Variants in FSD2 observed in about 807,000 individuals in gnomAD.
FSD2 encodes fibronectin type III and SPRY domain containing 2.
In FSD2, 71 loss-of-function variants were observed where a neutral mutation model predicts 80.4. The observed-to-expected ratio is 0.88, with a 90% CI of 0.73 to 1.08. The LOEUF is 1.08. FSD2 is among the 50% of genes least tolerant of loss of function. The probability of loss-of-function intolerance (pLI) is 0.00; values close to 1 mark genes in which losing one functional copy is unlikely to be tolerated. For synonymous variants in FSD2, 361 were observed against 329.5 expected (o/e 1.10, Z -1.03); for missense variants, 923 against 913.8 (o/e 1.01, Z -0.13).
intron 6 of FSD2, among the ~76,000 whole-genome samples, chr15:82,778,056 A>G (rs2049755837): frequency 6.8e-6 from 1 of 147,058 alleles, no homozygotes; most frequent in Non-Finnish European, 1.5e-5. Context: ...AGATCATGTG[A>G]GCCCAGGAAT....
At chr15:82,798,884 T>TTTG (rs1555411293) in intron 1 of FSD2, among the ~76,000 whole-genome samples, 4 of 149,174 alleles carry the variant, frequency 2.7e-5, no homozygotes, top group Admixed American at 2.7e-4. Flanking sequence ...TTTTGTTTTT[T>TTTG]TTTTTTTTTT....
At chr15:82,778,138 A>G (rs1297922803) in intron 6 of FSD2, among the ~76,000 whole-genome samples, 2 of 135,090 alleles carry the variant, frequency 1.5e-5, no homozygotes, top group African/African-American at 3.0e-5. Context: ...ATATATATAT[A>G]TATATATATA....
At chr15:82,804,176 T>A (rs190868313) in intron 1 of FSD2, among the ~76,000 whole-genome samples, 1 of 151,956 alleles carries the variant, frequency 6.6e-6, no homozygotes, top group Non-Finnish European at 1.5e-5. Flanking sequence ...GTGGGAATAT[T>A]TGTCCCTTGA....
intron 9 of FSD2, among the ~76,000 whole-genome samples, chr15:82,767,368 TG>T (rs949288249): frequency 6.6e-6 from 1 of 152,290 alleles, no homozygotes; most frequent in African/African-American, 2.4e-5. Flanking sequence ...CAAGGCCCTG[TG>T]GCAGGAAGGA....
rs575399830 is a variant in FSD2, at chr15:82,776,017, A to G, written c.1111+2749T>C. ...AAGATACTTGAGGCCAGGCAGAGTG[A>G]CTCAGGCCTGTAATCTCAGCACTTT... On this transcript the variant is annotated intron_variant, in intron 6 of 12. Coordinates refer to ENST00000334574, the MANE Select transcript of FSD2 (RefSeq NM_001007122.4). 8.5e-5 allele frequency among the ~76,000 whole-genome samples: 13 copies of G among 152,224 alleles called. 1 individual carries two copies. In the South Asian group the frequency reaches 2.7e-3, roughly 32 times the overall value.
intron 1 of FSD2, among the ~76,000 whole-genome samples, chr15:82,791,144 G>T (rs1047914550): frequency 2.1e-5 from 3 of 145,760 alleles, no homozygotes; most frequent in Non-Finnish European, 3.0e-5. Flanking sequence ...GACTACAGGC[G>T]CCCGCCACCA....
intron 1 of FSD2, among the ~76,000 whole-genome samples, chr15:82,797,172 T>C (rs946213311): frequency 3.3e-5 from 5 of 152,214 alleles, no homozygotes; most frequent in African/African-American, 1.2e-4. Flanking sequence ...TTGCTTTCAA[T>C]AAAGTTGAAG....
chr15:82,778,127 CAT>C (rs34527251), intron 6 of FSD2, among the ~76,000 whole-genome samples: 22,633 of 83,806 alleles, frequency 0.27, 2,833 homozygotes, highest in Admixed American at 0.34. Context: ...ACAAAAAAAC[CAT>C]ATATATATAT....
rs757998113 is a variant in FSD2, at chr15:82,787,286, G to A, written c.105C>T (p.Leu35=). The A allele has an allele frequency of 6.2e-7, 1 of 1,613,934 alleles. No individual in the cohort carries two copies. Among genetic ancestry groups the A allele is most frequent in the East Asian group, 2.2e-5 (1 of 44,878 alleles). The change falls in exon 2 of 13, where the codon CTC becomes CTT. Residue 35 remains leucine, a synonymous_variant. Coordinates refer to ENST00000334574, the MANE Select transcript of FSD2 (RefSeq NM_001007122.4). ...DLYDSEDRLH[L]FPEENTRMRK... ...TCATCCTAGTGTTCTCTTCTGGAAA[G>A]AGGTGCAGTCTGTCTTCAGAGTCAT...
Position 82,759,190 on chromosome 15 carries a change from G to T in FSD2, c.*158C>A, listed in dbSNP as rs1400633719. 4.0e-6 allele frequency: 3 copies of T among 743,124 alleles called. No individual in the cohort carries two copies. In the African/African-American group the frequency reaches 5.3e-5, roughly 13 times the overall value. The allele number at this position is 743,124 out of a possible 1,614,324, so 46.0% of individuals were successfully genotyped here. ...AGCAGCACACAGGACTAGAATCCAG[G>T]TTGGGTGAAATGAGCGCTAGCACAC... On this transcript the variant is annotated 3_prime_UTR_variant, in exon 13 of 13. Transcript: ENST00000334574.
At chr15:82,804,252 A>G (rs2050479271) in intron 1 of FSD2, among the ~76,000 whole-genome samples, 1 of 152,100 alleles carries the variant, frequency 6.6e-6, no homozygotes, top group African/African-American at 2.4e-5. Context: ...GACATCAGCT[A>G]TGAGATCATT....
chr15:82,766,216 C>G (rs2049417431), intron 9 of FSD2, among the ~76,000 whole-genome samples, 185 bp from the exon 10 acceptor site: 1 of 152,234 alleles, frequency 6.6e-6, no homozygotes, highest in African/African-American at 2.4e-5. Flanking sequence ...AGTCTCTGGT[C>G]TGCTTTTCTC....
chr15:82,775,383 G>T (rs1417141159), intron 6 of FSD2, among the ~76,000 whole-genome samples: 3 of 151,418 alleles, frequency 2.0e-5, no homozygotes, highest in Non-Finnish European at 4.4e-5. Flanking sequence ...GGGTGACAGT[G>T]TGAGACTCTG....
chr15:82,805,721 T>C (rs2050510949), intron 1 of FSD2, among the ~76,000 whole-genome samples: 2 of 152,172 alleles, frequency 1.3e-5, no homozygotes, highest in South Asian at 4.1e-4. Flanking sequence ...ATTATAAGAA[T>C]CACCAGCCCC....
chr15:82,798,282 C>A (rs1180426176), intron 1 of FSD2, among the ~76,000 whole-genome samples: 3 of 151,820 alleles, frequency 2.0e-5, no homozygotes, highest in Non-Finnish European at 4.4e-5. Flanking sequence ...AAGATTGAGG[C>A]TGCAGTGAGC....
intron 4 of FSD2, among the ~76,000 whole-genome samples, chr15:82,780,865 C>T (rs2049839285): frequency 6.6e-6 from 1 of 152,118 alleles, no homozygotes; most frequent in South Asian, 2.1e-4. Flanking sequence ...TGTGCATTTT[C>T]TTCCATACCA....
chr15:82,803,900 A>G (rs566033991), intron 1 of FSD2, among the ~76,000 whole-genome samples: 1 of 152,226 alleles, frequency 6.6e-6, no homozygotes, highest in East Asian at 1.9e-4. Context: ...TCATCTCTCT[A>G]GGCCTAACTT....
At chr15:82,766,666 T>G (rs552394036) in intron 9 of FSD2, among the ~76,000 whole-genome samples, 1 of 148,958 alleles carries the variant, frequency 6.7e-6, no homozygotes, top group East Asian at 2.0e-4. Flanking sequence ...TGCTTGAACC[T>G]GGGAGTTGGA....
chr15:82,804,456 G>A (rs1409786599), intron 1 of FSD2, among the ~76,000 whole-genome samples: 1 of 152,140 alleles, frequency 6.6e-6, no homozygotes, highest in Non-Finnish European at 1.5e-5. Context: ...TTACAAAAAT[G>A]TATCTGGGCT....
Sources: allele counts gnomAD v4.1 joint callset (sites outside exome capture counted in the v4.1 genomes callset), GRCh38; gene constraint gnomAD v4.1.1; transcripts MANE v1.5; gene names NCBI Gene and HGNC (gene_info 2026-07-23, HGNC 2026-07-21).